KDM4C: variants seen among roughly 807,000 people sequenced by gnomAD.
KDM4C encodes lysine-specific demethylase 4C.
KDM4C carries 81 observed loss-of-function variants against 129.3 expected under a neutral mutation model. The observed-to-expected ratio is 0.63, with a 90% CI of 0.52 to 0.75. The LOEUF (loss-of-function observed/expected upper bound fraction) is 0.75, where lower values mean the gene tolerates loss of function less well. Ranked by LOEUF, KDM4C falls within the 30% of genes least tolerant of loss-of-function variation. The pLI is 0.00. For synonymous variants in KDM4C, 573 were observed against 456.1 expected, an observed-to-expected ratio of 1.26 and a Z score of -3.26; for missense variants, 1,457 against 1,304.0, an observed-to-expected ratio of 1.12 and a Z score of -1.81.
At position 6,965,290 on chromosome 9, in the gene KDM4C, G is replaced by GAT. The variant is rs56757314; in HGVS notation, c.922-15620_922-15619dup. ...ATCAATTTTATGTTCTCTAATACAT[G>GAT]ATATATATATATATATTTGGATATA... On this transcript the variant is annotated intron_variant, in intron 8 of 21. Transcript: ENST00000381309. Among the ~76,000 whole-genome samples the GAT allele has an allele frequency of 2.8e-3, 409 of 148,216 alleles. 4 individuals carry two copies. Among genetic ancestry groups the GAT allele is most frequent in the African/African-American group, 6.6e-3 (269 of 40,630 alleles).
At chr9:6,893,022 A>G (rs985566813) in intron 7 of KDM4C, 73 bp from the exon 8 acceptor site, 2 of 1,166,600 alleles carry the variant, frequency 1.7e-6, no homozygotes, top group Admixed American at 2.9e-5. Flanking sequence ...TTTAATGGGA[A>G]ATATATTTTA....
At chr9:6,877,933 G>A (rs1018683449) in intron 5 of KDM4C, among the ~76,000 whole-genome samples, 1 of 152,190 alleles carries the variant, frequency 6.6e-6, no homozygotes, top group African/African-American at 2.4e-5. Context: ...ATTTGTATAG[G>A]AAACATTACA....
At chr9:7,151,148 A>G (rs1842690859) in intron 19 of KDM4C, among the ~76,000 whole-genome samples, 1 of 152,110 alleles carries the variant, frequency 6.6e-6, no homozygotes. Context: ...TTGTCTCTAT[A>G]AAAAGCAACA....
intron 4 of KDM4C, among the ~76,000 whole-genome samples, chr9:6,831,301 CATG>C (rs1360168920): frequency 1.3e-5 from 2 of 152,064 alleles, no homozygotes; most frequent in African/African-American, 4.8e-5. Context: ...GTGTTGGTTC[CATG>C]ATGTCATTAT....
intron 19 of KDM4C, among the ~76,000 whole-genome samples, chr9:7,154,243 A>G (rs1342512335): frequency 6.6e-6 from 1 of 152,222 alleles, no homozygotes; most frequent in African/African-American, 2.4e-5. Flanking sequence ...AATCCCTGCC[A>G]GGGTCCAGTA....
intron 8 of KDM4C, among the ~76,000 whole-genome samples, chr9:6,913,490 C>T (rs547306592): frequency 4.6e-5 from 7 of 152,288 alleles, no homozygotes; most frequent in South Asian, 2.1e-4. Flanking sequence ...GTGAAGAATA[C>T]GTTTCATGTA....
Position 7,142,799 on chromosome 9 carries a change from C to T in KDM4C, c.2781+14563C>T, listed in dbSNP as rs148794196. 1.1e-4 allele frequency among the ~76,000 whole-genome samples: 16 copies of T among 152,210 alleles called. No individual in the cohort carries two copies. In the East Asian group the frequency reaches 2.3e-3, roughly 22 times the overall value. ...TGCACCTCCCACATCTGGAAATCAC[C>T]GTCTCACCTGCTTCTCATATATCCT... On this transcript the variant is annotated intron_variant, in intron 19 of 21. Coordinates refer to ENST00000381309, the MANE Select transcript of KDM4C (RefSeq NM_015061.6).
intron 19 of KDM4C, among the ~76,000 whole-genome samples, chr9:7,153,265 C>T (rs1842876608): frequency 6.6e-6 from 1 of 152,110 alleles, no homozygotes; most frequent in Admixed American, 6.5e-5. Flanking sequence ...TAAGTGTTTG[C>T]ATTCTTTGCT....
chr9:7,017,345 A>G (rs1823879541), intron 15 of KDM4C, among the ~76,000 whole-genome samples: 1 of 152,180 alleles, frequency 6.6e-6, no homozygotes, highest in Non-Finnish European at 1.5e-5. Flanking sequence ...ATTGCTGTGA[A>G]TTTTAGGCAG....
intron 13 of KDM4C, among the ~76,000 whole-genome samples, chr9:7,012,326 G>A (rs577999251): frequency 1.8e-4 from 28 of 152,190 alleles, no homozygotes; most frequent in African/African-American, 6.5e-4. Context: ...CAATCCTTCC[G>A]CTTTGGTCTC....
intron 5 of KDM4C, among the ~76,000 whole-genome samples, chr9:6,850,089 C>T (rs777865926): frequency 6.6e-6 from 1 of 152,138 alleles, no homozygotes; most frequent in Non-Finnish European, 1.5e-5. Flanking sequence ...GGTTTGTAGC[C>T]TAGAAGCAAT....
At chr9:7,061,622 G>A (rs1439042201) in intron 17 of KDM4C, among the ~76,000 whole-genome samples, 1 of 152,184 alleles carries the variant, frequency 6.6e-6, no homozygotes, top group African/African-American at 2.4e-5. Flanking sequence ...CCTGGCTGTG[G>A]GCTCCTCAGA....
chr9:6,946,588 G>T (rs1399710980), intron 8 of KDM4C, among the ~76,000 whole-genome samples: 1 of 152,104 alleles, frequency 6.6e-6, no homozygotes, highest in Non-Finnish European at 1.5e-5. Context: ...TGTGATATGT[G>T]AGTTGTAATA....
At chr9:6,779,340 G>C (rs542274906) in intron 1 of KDM4C, among the ~76,000 whole-genome samples, 1 of 143,826 alleles carries the variant, frequency 7.0e-6, no homozygotes, top group East Asian at 2.1e-4. Context: ...AATATGAAAA[G>C]ACTTAGATTC....
chr9:7,168,769 T>C (rs1844656496), intron 20 of KDM4C, among the ~76,000 whole-genome samples: 1 of 152,152 alleles, frequency 6.6e-6, no homozygotes, highest in South Asian at 2.1e-4. Flanking sequence ...AGGATTATTA[T>C]ATAAGAGTAA....
In KDM4C at chr9:6,849,689, G is replaced by C. The variant is rs7864351; in HGVS notation, c.618G>C (p.Glu206Asp). 1,103 of 1,561,342 alleles carry C rather than the reference G, an allele frequency of 7.1e-4. 7 individuals carry two copies. In the African/African-American group the frequency reaches 0.013, roughly 19 times the overall value. ...GCATTAATTATCTCCACTTTGGAGA[G>C]CCCAAGTCTTGGCAAGTTACTTGTT... ...LYSINYLHFG[E>D]PKSWYAIPPE... Residue 206 changes from glutamate (E) to aspartate (D), a missense_variant, in exon 5 of 22, where the codon GAG becomes GAC. By Grantham distance (45) the Glu-to-Asp change is conservative. Transcript: ENST00000381309.
At chr9:7,107,156 G>A (rs1335223551) in intron 18 of KDM4C, among the ~76,000 whole-genome samples, 1 of 152,308 alleles carries the variant, frequency 6.6e-6, no homozygotes, top group Admixed American at 6.5e-5. Context: ...GTGTAGTCAT[G>A]CTGTCCGCTT....
At chr9:6,846,890 A>T (rs760535919) in intron 4 of KDM4C, among the ~76,000 whole-genome samples, 3 of 152,188 alleles carry the variant, frequency 2.0e-5, no homozygotes, top group Non-Finnish European at 4.4e-5. Flanking sequence ...GAGCAACTCT[A>T]GGAGGGTACA....
chr9:6,773,770 CA>C (rs963946653), intron 1 of KDM4C, among the ~76,000 whole-genome samples: 4,064 of 77,204 alleles, frequency 0.053, 122 homozygotes, highest in African/African-American at 0.15. Flanking sequence ...GACTCTGTCT[CA>C]AAAAAAAAAA....
Sources: gnomAD v4.1 joint callset for allele counts (sites outside exome capture counted in the v4.1 genomes callset) on GRCh38, gnomAD v4.1.1 for gene constraint, MANE v1.5 for transcripts, NCBI Gene and HGNC (gene_info 2026-07-23, HGNC 2026-07-21) for gene names.